The following BNC2 variants were observed in gnomAD, a reference collection of about 807,000 sequenced individuals.
BNC2 encodes the protein zinc finger protein basonuclin-2.
A neutral mutation model predicts 76.3 loss-of-function variants in BNC2; 20 were observed. The observed-to-expected ratio is 0.26, with a 90% CI of 0.18 to 0.38. The LOEUF (loss-of-function observed/expected upper bound fraction) is 0.38. Ranked by LOEUF, BNC2 falls within the 10% of genes least tolerant of loss-of-function variation. The probability of loss-of-function intolerance (pLI) is 1.00; values close to 1 mark genes in which losing one functional copy is unlikely to be tolerated. For missense variants in BNC2, 1,382 were observed against 1,399.8 expected (o/e 0.99, Z 0.20); for synonymous variants, 582 against 514.8 (o/e 1.13, Z -1.77).
intron 3 of BNC2, among the ~76,000 whole-genome samples, chr9:16,641,709 T>C (rs1330926117): frequency 1.3e-5 from 2 of 152,174 alleles, no homozygotes; most frequent in Non-Finnish European, 2.9e-5. Context: ...AAATGTTACA[T>C]TTCAATGGGG....
chr9:16,669,337 G>A (rs1822403997), intron 3 of BNC2, among the ~76,000 whole-genome samples: 1 of 152,074 alleles, frequency 6.6e-6, no homozygotes, highest in South Asian at 2.1e-4. Flanking sequence ...CACACCCCCA[G>A]GTTACATTTT....
intron 6 of BNC2, among the ~76,000 whole-genome samples, chr9:16,430,356 A>C (rs1820885371): frequency 6.6e-6 from 1 of 152,204 alleles, no homozygotes; most frequent in Non-Finnish European, 1.5e-5. Flanking sequence ...GGGGATTACC[A>C]CATCGTATTT....
intron 5 of BNC2, among the ~76,000 whole-genome samples, chr9:16,541,207 A>G (rs1324353419): frequency 6.6e-6 from 1 of 152,222 alleles, no homozygotes; most frequent in Non-Finnish European, 1.5e-5. Flanking sequence ...ATCCAACGGA[A>G]AGTCACCAGA....
intron 5 of BNC2, among the ~76,000 whole-genome samples, chr9:16,439,322 CA>C (rs1427408381): frequency 6.6e-6 from 1 of 152,016 alleles, no homozygotes; most frequent in African/African-American, 2.4e-5. Flanking sequence ...GGGCATTCTA[CA>C]AAACAGTAGA....
intron 5 of BNC2, among the ~76,000 whole-genome samples, chr9:16,502,899 G>C (rs2131807410): frequency 6.6e-6 from 1 of 152,160 alleles, no homozygotes; most frequent in African/African-American, 2.4e-5. Flanking sequence ...GGTTTCATGT[G>C]GCCTCATGAA....
chr9:16,665,765 T>C (rs1005762180), intron 3 of BNC2, among the ~76,000 whole-genome samples: 1 of 152,204 alleles, frequency 6.6e-6, no homozygotes, highest in South Asian at 2.1e-4. Context: ...CTGGAGTTAG[T>C]ATCATTACAA....
At chr9:16,712,719 G>C (rs962490164) in intron 3 of BNC2, among the ~76,000 whole-genome samples, 1 of 152,142 alleles carries the variant, frequency 6.6e-6, no homozygotes, top group Non-Finnish European at 1.5e-5. Context: ...TTGTAAATGG[G>C]CATTTTATCA....
At chr9:16,530,925 G>T (rs1419716672) in intron 5 of BNC2, among the ~76,000 whole-genome samples, 1 of 152,106 alleles carries the variant, frequency 6.6e-6, no homozygotes, top group Non-Finnish European at 1.5e-5. Flanking sequence ...GATATTGTCA[G>T]ATCTGCCAAG....
rs1490782071 is a variant in BNC2 at position 16,419,364 on chromosome 9, A to G, written c.2925T>C (p.His975=). The G allele has an allele frequency of 1.9e-6, 3 of 1,608,002 alleles. No homozygotes were observed. The highest frequency in any genetic ancestry group is 2.5e-6 in the Non-Finnish European group (3 of 1,176,546). Residue 975 remains histidine (H), a synonymous_variant, in exon 7 of 7, where the codon CAT becomes CAC. Transcript: ENST00000380672. Reference sequence around the variant, plus strand: ...TGCCTGCGTCGGATTCTCTGGAGGAATGGATACTGCTGCTGGACTGGAGGC... The same window carrying G: ...TGCCTGCGTCGGATTCTCTGGAGGAGTGGATACTGCTGCTGGACTGGAGGC... ...TSSLQSSSSI[H]SSRESDAGSD...
At chr9:16,685,073 TACTC>T (rs1458011498) in intron 3 of BNC2, among the ~76,000 whole-genome samples, 3 of 152,208 alleles carry the variant, frequency 2.0e-5, no homozygotes, top group East Asian at 3.9e-4. Flanking sequence ...AAGCATGACT[TACTC>T]ACATATATCC....
intron 5 of BNC2, among the ~76,000 whole-genome samples, chr9:16,490,629 G>A (rs142556489): frequency 6.6e-6 from 1 of 152,268 alleles, no homozygotes; most frequent in African/African-American, 2.4e-5. Flanking sequence ...TAGACTGTGA[G>A]CACCTAGAGG....
chr9:16,570,784 A>C (rs1208652103), intron 4 of BNC2, among the ~76,000 whole-genome samples: 1 of 152,208 alleles, frequency 6.6e-6, no homozygotes, highest in Non-Finnish European at 1.5e-5. Flanking sequence ...AACAAGGCAA[A>C]AACTCTTTTG....
intron 3 of BNC2, among the ~76,000 whole-genome samples, chr9:16,624,284 G>A (rs535920420): frequency 9.9e-5 from 15 of 152,184 alleles, no homozygotes; most frequent in Non-Finnish European, 1.5e-4. Flanking sequence ...CCACCTTCAC[G>A]TGGACTTGCC....
intron 1 of BNC2, among the ~76,000 whole-genome samples, chr9:16,783,867 G>A (rs897905906): frequency 6.6e-6 from 1 of 151,892 alleles, no homozygotes; most frequent in Non-Finnish European, 1.5e-5. Flanking sequence ...AAACTGTATT[G>A]GTAAATTTTC....
At chr9:16,634,644 G>A (rs141221945) in intron 3 of BNC2, among the ~76,000 whole-genome samples, 3,292 of 151,984 alleles carry the variant, frequency 0.022, 132 homozygotes, top group African/African-American at 0.075. Flanking sequence ...TGGGGCTACA[G>A]GCACCTGCCA....
intron 3 of BNC2, among the ~76,000 whole-genome samples, chr9:16,652,052 A>C (rs1282785360): frequency 6.6e-6 from 1 of 152,164 alleles, no homozygotes; most frequent in Non-Finnish European, 1.5e-5. Context: ...TCCTTTTGTA[A>C]AGACATTGAT....
chr9:16,455,601 G>A (rs1821430715), intron 5 of BNC2, among the ~76,000 whole-genome samples: 1 of 152,200 alleles, frequency 6.6e-6, no homozygotes, highest in South Asian at 2.1e-4. Context: ...GACCAGCCTG[G>A]CCAACATGGT....
chr9:16,850,510 C>G (rs936694073), intron 1 of BNC2, among the ~76,000 whole-genome samples: 2 of 152,190 alleles, frequency 1.3e-5, no homozygotes, highest in South Asian at 2.1e-4. Flanking sequence ...TAGAACTCAT[C>G]ATCTGTAAAT....
chr9:16,577,887 C>A (rs72702120), intron 4 of BNC2, among the ~76,000 whole-genome samples: 3,894 of 151,960 alleles, frequency 0.026, 72 homozygotes, highest in Non-Finnish European at 0.038. Context: ...TATATCCTTT[C>A]ATTTAAAGTC....
Sources: gnomAD v4.1 joint callset for allele counts (sites outside exome capture counted in the v4.1 genomes callset) on GRCh38, gnomAD v4.1.1 for gene constraint, MANE v1.5 for transcripts, NCBI Gene and HGNC (gene_info 2026-07-23, HGNC 2026-07-21) for gene names.